Variants in SOX6 observed in about 807,000 individuals in gnomAD.
SOX6 encodes transcription factor SOX-6.
SOX6 carries 11 observed loss-of-function variants against 97.8 expected under a neutral mutation model. That is an observed-to-expected ratio of 0.11 (90% confidence interval 0.07 to 0.19). SOX6 has a LOEUF of 0.19. Ranked by LOEUF, SOX6 falls within the 10% of genes least tolerant of loss-of-function variation. SOX6 has a pLI of 1.00. For missense variants in SOX6, 810 were observed against 1,039.5 expected, an observed-to-expected ratio of 0.78 and a Z score of 3.04; for synonymous variants, 360 against 371.4, an observed-to-expected ratio of 0.97 and a Z score of 0.35.
intron 1 of SOX6, among the ~76,000 whole-genome samples, chr11:16,422,023 T>C (rs921754495): frequency 1.3e-5 from 2 of 152,236 alleles, no homozygotes; most frequent in African/African-American, 2.4e-5. Context: ...TGCTGCTATG[T>C]AGGACTTGGC....
At chr11:16,456,422 T>C (rs1011658767) in intron 1 of SOX6, among the ~76,000 whole-genome samples, 1 of 152,014 alleles carries the variant, frequency 6.6e-6, no homozygotes, top group African/African-American at 2.4e-5. Flanking sequence ...ATCCTGGAGG[T>C]AACATGTCTT....
intron 6 of SOX6, among the ~76,000 whole-genome samples, chr11:16,161,993 G>GAT (rs1236827914): frequency 6.6e-6 from 1 of 152,118 alleles, no homozygotes; most frequent in African/African-American, 2.4e-5. Context: ...TTAATGCAAG[G>GAT]ATTCTGTGCA....
chr11:16,152,619 T>A (rs760751877), intron 6 of SOX6, among the ~76,000 whole-genome samples: 2 of 152,340 alleles, frequency 1.3e-5, no homozygotes, highest in Admixed American at 1.3e-4. Flanking sequence ...TGTTATATAA[T>A]AGTGACTGAA....
intron 9 of SOX6, among the ~76,000 whole-genome samples, chr11:16,063,348 T>G (rs569638585): frequency 6.6e-6 from 1 of 150,804 alleles, no homozygotes; most frequent in African/African-American, 2.4e-5. Flanking sequence ...TAATGGTCTA[T>G]AGCAGGACCT....
intron 2 of SOX6, among the ~76,000 whole-genome samples, chr11:16,715,450 G>C (rs1158286471): frequency 6.6e-6 from 1 of 151,992 alleles, no homozygotes; most frequent in Non-Finnish European, 1.5e-5. Flanking sequence ...TAATAAATAA[G>C]ATTTTTATAG....
intron 4 of SOX6, among the ~76,000 whole-genome samples, chr11:16,595,603 CAAAA>C (rs10712410): frequency 7.0e-5 from 8 of 113,822 alleles, no homozygotes; most frequent in Non-Finnish European, 8.9e-5. Flanking sequence ...CCACCTCTAC[CAAAA>C]AAAAAAAAAA....
chr11:16,427,670 T>C (rs1381865342), intron 1 of SOX6, among the ~76,000 whole-genome samples: 1 of 152,228 alleles, frequency 6.6e-6, no homozygotes, highest in African/African-American at 2.4e-5. Context: ...CATCATTTTT[T>C]ATGGCTGCAT....
intron 13 of SOX6, among the ~76,000 whole-genome samples, chr11:15,998,787 C>A (rs1854309262): frequency 2.0e-5 from 3 of 152,014 alleles, no homozygotes; most frequent in Non-Finnish European, 4.4e-5. Flanking sequence ...AGAGATGAAT[C>A]ATGACTTAAA....
intron 4 of SOX6, among the ~76,000 whole-genome samples, chr11:16,232,944 C>A (rs1042430280): frequency 6.6e-6 from 1 of 151,864 alleles, no homozygotes; most frequent in African/African-American, 2.4e-5. Context: ...AGTAGGGGAA[C>A]TCAAAATAAT....
chr11:16,418,537 G>T (rs1858968262), intron 1 of SOX6, among the ~76,000 whole-genome samples: 1 of 152,130 alleles, frequency 6.6e-6, no homozygotes, highest in South Asian at 2.1e-4. Flanking sequence ...AAGAGAAATG[G>T]GAAGAAGTAA....
intron 1 of SOX6, among the ~76,000 whole-genome samples, chr11:16,353,082 AT>A (rs1856989299): frequency 6.6e-6 from 1 of 152,066 alleles, no homozygotes; most frequent in Admixed American, 6.6e-5. Flanking sequence ...TACACAGACA[AT>A]TATGAAATAA....
chr11:16,290,758 C>T (rs1263440279), intron 3 of SOX6, among the ~76,000 whole-genome samples: 1 of 152,098 alleles, frequency 6.6e-6, no homozygotes, highest in Non-Finnish European at 1.5e-5. Flanking sequence ...AAACAACGTT[C>T]CCTGTGTATA....
At chr11:16,004,010 T>G (rs1408256196) in intron 13 of SOX6, among the ~76,000 whole-genome samples, 1 of 151,446 alleles carries the variant, frequency 6.6e-6, no homozygotes. Context: ...TAAATATATA[T>G]ATAATACATA....
chr11:16,163,694 G>T (rs1325024279), intron 6 of SOX6, among the ~76,000 whole-genome samples: 2 of 152,222 alleles, frequency 1.3e-5, no homozygotes, highest in Non-Finnish European at 2.9e-5. Context: ...ATAGGTTAAA[G>T]CATTCTTCTG....
intron 4 of SOX6, among the ~76,000 whole-genome samples, chr11:16,224,854 C>T (rs1852637932): frequency 6.6e-6 from 1 of 151,928 alleles, no homozygotes; most frequent in African/African-American, 2.4e-5. Flanking sequence ...TAGTAATTTA[C>T]TATATGATTT....
chr11:16,655,208 A>G (rs2134016076), intron 3 of SOX6, among the ~76,000 whole-genome samples: 1 of 152,118 alleles, frequency 6.6e-6, no homozygotes, highest in East Asian at 1.9e-4. Flanking sequence ...GCTGGCAGTG[A>G]AAGGACTGAC....
chr11:16,068,006 C>T (rs531792991), intron 9 of SOX6, among the ~76,000 whole-genome samples: 1,834 of 152,292 alleles, frequency 0.012, 34 homozygotes, highest in African/African-American at 0.041. Context: ...CGGGGAACCC[C>T]AGGCCTAGCC....
intron 9 of SOX6, among the ~76,000 whole-genome samples, chr11:16,084,046 A>G (rs1220164506): frequency 1.3e-5 from 2 of 152,114 alleles, no homozygotes; most frequent in East Asian, 3.9e-4. Flanking sequence ...ATGTTAAAGT[A>G]CCCTAATTGT....
intron 3 of SOX6, among the ~76,000 whole-genome samples, chr11:16,302,921 C>A (rs1019399106): frequency 3.9e-5 from 6 of 152,108 alleles, no homozygotes; most frequent in Non-Finnish European, 8.8e-5. Flanking sequence ...TACTATTGTA[C>A]TTATGATAAT....
Sources: gnomAD v4.1 joint callset for allele counts (sites outside exome capture counted in the v4.1 genomes callset) on GRCh38, gnomAD v4.1.1 for gene constraint, MANE v1.5 for transcripts, NCBI Gene and HGNC (gene_info 2026-07-23, HGNC 2026-07-21) for gene names.